The following ITGA9 variants were observed in gnomAD, a reference collection of about 807,000 sequenced individuals.
The protein encoded by ITGA9 is integrin alpha-9.
A neutral mutation model predicts 127.8 loss-of-function variants in ITGA9; 56 were observed. The ratio of observed to expected loss-of-function variants is 0.44; its 90% CI spans 0.35 to 0.55. ITGA9 has a LOEUF of 0.55. ITGA9 is among the 20% of genes least tolerant of loss of function. The probability of loss-of-function intolerance (pLI) is 0.00; values close to 1 mark genes in which losing one functional copy is unlikely to be tolerated. For missense variants in ITGA9, 1,196 were observed against 1,347.1 expected, an observed-to-expected ratio of 0.89 and a Z score of 1.76; for synonymous variants, 508 against 514.5, an observed-to-expected ratio of 0.99 and a Z score of 0.17.
intron 17 of ITGA9, among the ~76,000 whole-genome samples, chr3:37,667,625 G>A (rs1700598439): frequency 6.6e-6 from 1 of 152,234 alleles, no homozygotes. Context: ...ACTCTGGGAT[G>A]CCCCTCAATT....
intron 17 of ITGA9, among the ~76,000 whole-genome samples, chr3:37,678,922 A>G (rs547077819): frequency 1.1e-4 from 16 of 152,348 alleles, no homozygotes; most frequent in Non-Finnish European, 1.8e-4. Flanking sequence ...TGTCATCAGT[A>G]ACATCTTCCA....
chr3:37,819,384 C>A lies in ITGA9; in HGVS notation c.*395C>A. 1 of 173,346 alleles carries A rather than the reference C, an allele frequency of 5.8e-6. No homozygotes were observed. The highest frequency in any genetic ancestry group is 1.2e-5 in the Non-Finnish European group (1 of 80,050). 10.7% of individuals were successfully genotyped at this position (173,346 alleles called of 1,614,324 possible). On this transcript the variant is annotated 3_prime_UTR_variant, in exon 28 of 28. Transcript: ENST00000264741. ...ATTTCTATTAAATAGTTATATAATT[C>A]ACTCAAGCACTGATATCTGGCCTAA...
At chr3:37,716,053 G>A (rs572077357) in intron 18 of ITGA9, among the ~76,000 whole-genome samples, 158 of 152,318 alleles carry the variant, frequency 1.0e-3, no homozygotes, top group African/African-American at 3.4e-3. Context: ...CTTTGGCACC[G>A]TCTAAAGTAT....
At chr3:37,717,432 G>A (rs1243488067) in intron 18 of ITGA9, among the ~76,000 whole-genome samples, 3 of 152,134 alleles carry the variant, frequency 2.0e-5, no homozygotes, top group African/African-American at 4.8e-5. Context: ...CGAACTACCC[G>A]AGACTGGGCA....
intron 15 of ITGA9, among the ~76,000 whole-genome samples, chr3:37,624,859 A>G (rs765391046): frequency 1.3e-5 from 2 of 152,104 alleles, no homozygotes; most frequent in East Asian, 3.9e-4. Flanking sequence ...CGCCTTCCTC[A>G]GCCTCTTAAG....
intron 15 of ITGA9, among the ~76,000 whole-genome samples, chr3:37,583,262 T>C (rs920448823): frequency 2.6e-5 from 4 of 152,224 alleles, no homozygotes; most frequent in Non-Finnish European, 5.9e-5. Flanking sequence ...GTAGCTCACC[T>C]GTGGGTCATG....
At chr3:37,624,793 G>A (rs1398093337) in intron 15 of ITGA9, among the ~76,000 whole-genome samples, 2 of 150,938 alleles carry the variant, frequency 1.3e-5, no homozygotes, top group Non-Finnish European at 2.9e-5. Flanking sequence ...TTTTAGTAGA[G>A]ATGGGGTTTC....
At position 37,723,571 on chromosome 3, in the gene ITGA9, AG is replaced by A. The variant is rs1420159295; in HGVS notation, c.2068-9139del. Among the ~76,000 whole-genome samples the A allele has an allele frequency of 1.1e-4, 16 of 152,330 alleles. 1 individual carries two copies. The East Asian group carries it at 2.9e-3, about 28-fold the overall frequency. ...GAGACAGGGTTTTGTTATGTTGGCC[AG>A]GCTGGTCACAAACTCCTGGCCCCAA... On this transcript the variant is annotated intron_variant, in intron 18 of 27. Coordinates refer to ENST00000264741, the MANE Select transcript of ITGA9 (RefSeq NM_002207.3).
intron 19 of ITGA9, among the ~76,000 whole-genome samples, chr3:37,735,128 C>T (rs1337546995): frequency 2.6e-5 from 4 of 152,248 alleles, no homozygotes; most frequent in African/African-American, 4.8e-5. Context: ...CTCTCACAGC[C>T]TGCCCAGTTT....
chr3:37,562,221 C>G (rs1044997224), intron 15 of ITGA9, among the ~76,000 whole-genome samples: 1 of 152,158 alleles, frequency 6.6e-6, no homozygotes, highest in Admixed American at 6.5e-5. Context: ...CTTTCTTAGG[C>G]TGAACCAGAG....
chr3:37,583,227 G>T (rs1699726778), intron 15 of ITGA9, among the ~76,000 whole-genome samples: 1 of 152,188 alleles, frequency 6.6e-6, no homozygotes, highest in South Asian at 2.1e-4. Flanking sequence ...CCAGACTGCT[G>T]TGCATAGGTC....
At chr3:37,798,564 C>T (rs768132687) in intron 26 of ITGA9, among the ~76,000 whole-genome samples, 7 of 152,148 alleles carry the variant, frequency 4.6e-5, no homozygotes, top group Non-Finnish European at 1.0e-4. Flanking sequence ...TTCTTATACA[C>T]AGTAAAATTT....
chr3:37,535,110 T>G (rs267555), intron 14 of ITGA9, among the ~76,000 whole-genome samples: 67,494 of 152,142 alleles, frequency 0.44, 17,392 homozygotes, highest in East Asian at 0.81. Flanking sequence ...GAGTAATAGT[T>G]TCTGTGTATG....
At chr3:37,541,347 C>T (rs1240788452) in intron 14 of ITGA9, among the ~76,000 whole-genome samples, 1 of 152,098 alleles carries the variant, frequency 6.6e-6, no homozygotes, top group Non-Finnish European at 1.5e-5. Flanking sequence ...CCTTGAATCC[C>T]CAAAACAGTT....
intron 18 of ITGA9, among the ~76,000 whole-genome samples, chr3:37,693,126 A>C (rs1008055670): frequency 6.6e-6 from 1 of 152,176 alleles, no homozygotes; most frequent in African/African-American, 2.4e-5. Context: ...TAAGCTCGTG[A>C]GGAATGTGCT....
chr3:37,669,123 A>G lies in ITGA9; in HGVS notation c.1917-14742A>G, dbSNP rs115343936. ...TGCTTCCCTGACTCCATTCCAGGTG[A>G]TCTTGATCCAAAAATGACGAGGCTG... On this transcript the variant is annotated intron_variant, in intron 17 of 27. Coordinates refer to ENST00000264741, the MANE Select transcript of ITGA9 (RefSeq NM_002207.3). Among the ~76,000 whole-genome samples, 588 of 152,274 alleles carry G rather than the reference A, an allele frequency of 3.9e-3. 4 individuals are homozygous for G. The highest frequency in any genetic ancestry group is 0.013 in the African/African-American group (543 of 41,554).
At chr3:37,659,859 G>A (rs1337955470) in intron 17 of ITGA9, among the ~76,000 whole-genome samples, 4 of 151,990 alleles carry the variant, frequency 2.6e-5, no homozygotes, top group African/African-American at 9.7e-5. Flanking sequence ...TTCAGATGGG[G>A]TTTCTGTATG....
At position 37,464,217 on chromosome 3, in the gene ITGA9, T is replaced by C. The variant is rs1489920270; in HGVS notation, c.186-6790T>C. ...GATTTTTTTGTGCTAGTTCTTGTTA[T>C]CAGTTGTTTATGCATGAAAACCTTT... On this transcript the variant is annotated intron_variant, in intron 1 of 27. Coordinates refer to ENST00000264741, the MANE Select transcript of ITGA9 (RefSeq NM_002207.3). 2.0e-5 allele frequency among the ~76,000 whole-genome samples: 3 copies of C among 151,884 alleles called. 1 individual carries two copies. The highest frequency in any genetic ancestry group is 1.3e-4 in the Admixed American group (2 of 15,240).
chr3:37,516,958 G>A lies in ITGA9; in HGVS notation c.1036-546G>A, dbSNP rs372811344. ...GAGCCATGCATGAATAATAGGCACA[G>A]TGACGTCTGCCATCACAGCCACCCT... On this transcript the variant is annotated intron_variant, in intron 9 of 27. Transcript: ENST00000264741. Among the ~76,000 whole-genome samples, 45 of 152,274 alleles carry A rather than the reference G, an allele frequency of 3.0e-4. 1 individual carries two copies. In the East Asian group the frequency reaches 5.8e-3, roughly 20 times the overall value.
Sources: gnomAD v4.1 joint callset for allele counts (sites outside exome capture counted in the v4.1 genomes callset) on GRCh38, gnomAD v4.1.1 for gene constraint, MANE v1.5 for transcripts, NCBI Gene and HGNC (gene_info 2026-07-23, HGNC 2026-07-21) for gene names.